The following ELFN2 variants were observed in gnomAD, a reference collection of about 807,000 sequenced individuals.
ELFN2 encodes protein phosphatase 1 regulatory subunit 29.
ELFN2 carries 17 observed loss-of-function variants against 45.5 expected under a neutral mutation model. The ratio of observed to expected loss-of-function variants is 0.37; its 90% CI spans 0.26 to 0.56. The LOEUF is 0.56. Ranked by LOEUF, ELFN2 falls within the 20% of genes least tolerant of loss-of-function variation. The pLI, the probability that ELFN2 is intolerant of heterozygous loss-of-function variation, is 0.77. For synonymous variants in ELFN2, 550 were observed against 551.5 expected, an observed-to-expected ratio of 1.00 and a Z score of 0.04; for missense variants, 922 against 1,183.2, an observed-to-expected ratio of 0.78 and a Z score of 3.24.
At chr22:37,378,854 T>C (rs1931661561) in intron 2 of ELFN2, among the ~76,000 whole-genome samples, 1 of 152,228 alleles carries the variant, frequency 6.6e-6, no homozygotes, top group East Asian at 1.9e-4. Flanking sequence ...CAGCAGCACT[T>C]GGCCCCTAGC....
At chr22:37,385,476 G>A (rs2145651375) in intron 2 of ELFN2, among the ~76,000 whole-genome samples, 1 of 152,334 alleles carries the variant, frequency 6.6e-6, no homozygotes, top group South Asian at 2.1e-4. Context: ...CCTCATTTCT[G>A]GAATCCACTG....
In ELFN2 at chr22:37,424,811, A is replaced by C. The variant is rs142075416; in HGVS notation, c.-614+2487T>G. On this transcript the variant is annotated intron_variant, in intron 1 of 2. Coordinates refer to ENST00000402918, the MANE Select transcript of ELFN2 (RefSeq NM_052906.5). ...AAAGAACTGCCGTGGAAATCCAAGGAAAGAAAAGAAAGTCCTTTGCAAAGT... is the reference window on the plus strand; with the variant it reads ...AAAGAACTGCCGTGGAAATCCAAGGCAAGAAAAGAAAGTCCTTTGCAAAGT... Among the ~76,000 whole-genome samples, 12 of 152,314 alleles carry C rather than the reference A, an allele frequency of 7.9e-5. No homozygotes were observed. The East Asian group carries it at 2.3e-3, about 29-fold the overall frequency.
chr22:37,349,365 G>T (rs369458564), intron 1 of ELFN2, among the ~76,000 whole-genome samples: 1 of 151,198 alleles, frequency 6.6e-6, no homozygotes, highest in Admixed American at 6.6e-5. Flanking sequence ...GGGGATCCAC[G>T]GTGCCCCCGG....
intron 2 of ELFN2, among the ~76,000 whole-genome samples, chr22:37,377,173 C>A (rs754448566): frequency 2.0e-5 from 3 of 152,244 alleles, no homozygotes; most frequent in African/African-American, 7.2e-5. Flanking sequence ...CAGCGGCAGA[C>A]CATCTGCATC....
intron 2 of ELFN2, among the ~76,000 whole-genome samples, chr22:37,400,084 G>A (rs1932324882): frequency 6.6e-6 from 1 of 152,142 alleles, no homozygotes; most frequent in African/African-American, 2.4e-5. Flanking sequence ...AGCCCATGCA[G>A]CAGGTCCCTA....
chr22:37,375,872 T>TC lies in ELFN2; in HGVS notation c.-339dup. 1 of 388,380 alleles carries TC rather than the reference T, an allele frequency of 2.6e-6. No homozygotes were observed. The highest frequency in any genetic ancestry group is 5.1e-5 in the East Asian group (1 of 19,470). The allele number at this position is 388,380 out of a possible 1,614,324, so 24.1% of individuals were successfully genotyped here. A position where few individuals can be genotyped will look rare whatever the true frequency, so the allele number is the denominator to read the frequency against. On this transcript the variant is annotated 5_prime_UTR_variant, in exon 3 of 3. Coordinates refer to ENST00000402918, the MANE Select transcript of ELFN2 (RefSeq NM_052906.5). ...CTCCTCCTCCTCCTCCTCCTCCTCG[T>TC]CTTCCTCCTTGGCTTCCGGGCTCAG...
intron 2 of ELFN2, among the ~76,000 whole-genome samples, chr22:37,383,179 G>A (rs9610725): frequency 0.7 from 106,620 of 152,002 alleles, 37,512 homozygotes; most frequent in Admixed American, 0.79. Context: ...GTGCCGATGC[G>A]TTCAGAGCAG....
intron 2 of ELFN2, among the ~76,000 whole-genome samples, chr22:37,395,518 C>T (rs1932192701): frequency 6.6e-6 from 1 of 152,214 alleles, no homozygotes; most frequent in Non-Finnish European, 1.5e-5. Flanking sequence ...GTTGTCCCCT[C>T]TAGCTCTGCC....
intron 1 of ELFN2, among the ~76,000 whole-genome samples, chr22:37,426,535 T>A (rs1932851557): frequency 6.7e-6 from 1 of 150,094 alleles, no homozygotes; most frequent in African/African-American, 2.5e-5. Context: ...CCTCTCCACA[T>A]GCACACGGCG....
intron 1 of ELFN2, among the ~76,000 whole-genome samples, chr22:37,348,084 C>G (rs772343811): frequency 1.4e-4 from 22 of 152,366 alleles, no homozygotes; most frequent in Middle Eastern, 3.4e-3. Flanking sequence ...CCTCTTCTGG[C>G]TGTCCTCAAC....
intron 1 of ELFN2, among the ~76,000 whole-genome samples, chr22:37,343,432 G>C (rs1390681452): frequency 6.6e-6 from 1 of 152,038 alleles, no homozygotes; most frequent in Non-Finnish European, 1.5e-5. Flanking sequence ...CCCATCTGCT[G>C]GCCGATGCCC....
chr22:37,375,267 C>T lies in ELFN2; in HGVS notation c.268G>A (p.Glu90Lys), dbSNP rs200557041. ...NLTDLNLTKN[E>K]ISYIEDGAFL... is the part of the protein sequence containing the mutation. ...GCACCGTCCTCGATGTAGGAGATCT[C>T]GTTCTTGGTGAGGTTGAGGTCGGTG... The change falls in exon 3 of 3, where the codon GAG becomes AAG. Residue 90 changes from glutamate (E) to lysine (K), a missense_variant. Physicochemically the swap from Glu to Lys is moderately conservative, Grantham distance 56. Around this residue, in one of 2 missense-constraint regions of ELFN2, gnomAD observed 358 missense variants for 540.4 expected, o/e 0.66. Transcript: ENST00000402918. 1 of 1,614,070 alleles carries T rather than the reference C, an allele frequency of 6.2e-7. No individual in the cohort carries two copies. Among genetic ancestry groups the T allele is most frequent in the Non-Finnish European group, 8.5e-7 (1 of 1,180,018 alleles).
intron 1 of ELFN2, among the ~76,000 whole-genome samples, chr22:37,352,808 A>G (rs1007619336): frequency 6.6e-6 from 1 of 150,836 alleles, no homozygotes; most frequent in Non-Finnish European, 1.5e-5. Context: ...TGCATTCTAA[A>G]TGCAAGAAGT....
At chr22:37,409,557 G>A (rs1417397106) in intron 2 of ELFN2, among the ~76,000 whole-genome samples, 1 of 152,256 alleles carries the variant, frequency 6.6e-6, no homozygotes, top group African/African-American at 2.4e-5. Flanking sequence ...GAGCCCAGAT[G>A]TCCACACTTA....
chr22:37,376,402 TAC>T (rs3041587), intron 2 of ELFN2, among the ~76,000 whole-genome samples: 66,353 of 150,712 alleles, frequency 0.44, 14,731 homozygotes, highest in Admixed American at 0.54. Flanking sequence ...CGCAGACAGC[TAC>T]ACACACACAC....
chr22:37,378,742 C>T (rs1931656282), intron 2 of ELFN2, among the ~76,000 whole-genome samples: 2 of 152,236 alleles, frequency 1.3e-5, no homozygotes, highest in South Asian at 2.1e-4. Context: ...GTCCCAGGGG[C>T]GTCAGCTGCC....
At position 37,373,324 on chromosome 22, in the gene ELFN2, G is replaced by A. The variant is rs1454563967; in HGVS notation, c.2211C>T (p.Ser737=). Residue 737 remains serine, a synonymous_variant, in exon 3 of 3, where the codon TCC becomes TCT. Transcript: ENST00000402918. ...GCTGCGAGTAGGTGGAGTCACGCTT[G>A]GAGCGGGTCAGCGGCTTGAGGAAGG... ...RVSFLKPLTR[S]KRDSTYSQLS... 6.2e-7 allele frequency: 1 copy of A among 1,613,572 alleles called. No individual in the cohort carries two copies. Among genetic ancestry groups the A allele is most frequent in the African/African-American group, 1.3e-5 (1 of 74,936 alleles).
Position 37,375,538 on chromosome 22 carries a change from G to A in ELFN2, c.-4C>T, listed in dbSNP as rs772941370. ...CGCACAGCCCCAGGCGCAGCATGGC[G>A]CTGGCCTCGGAGTGAGGGGCCAGGG... is the stretch of plus-strand genomic sequence containing the variant. On this transcript the variant is annotated 5_prime_UTR_variant, in exon 3 of 3. Coordinates refer to ENST00000402918, the MANE Select transcript of ELFN2 (RefSeq NM_052906.5). The A allele has an allele frequency of 1.4e-5, 21 of 1,541,578 alleles. No individual in the cohort carries two copies. The highest frequency in any genetic ancestry group is 6.0e-5 in the South Asian group (5 of 83,026).
At chr22:37,355,887 A>T (rs1022902751) in intron 1 of ELFN2, among the ~76,000 whole-genome samples, 1 of 152,192 alleles carries the variant, frequency 6.6e-6, no homozygotes, top group Non-Finnish European at 1.5e-5. Context: ...CCTGACCCAA[A>T]TTGACGTGAG....
Sources: gnomAD v4.1 joint callset for allele counts (sites outside exome capture counted in the v4.1 genomes callset) on GRCh38, gnomAD v4.1.1 for gene constraint, gnomAD v4.1.1 regional missense constraint, MANE v1.5 for transcripts, NCBI Gene and HGNC (gene_info 2026-07-23, HGNC 2026-07-21) for gene names.